STEAP4: variants seen among roughly 807,000 people sequenced by gnomAD.
STEAP4 encodes STEAP4 metalloreductase.
Under a neutral mutation model 43.6 loss-of-function variants are expected in STEAP4, and 36 were observed. The ratio of observed to expected loss-of-function variants is 0.83; its 90% CI spans 0.63 to 1.09. STEAP4 has a LOEUF of 1.09. STEAP4 is among the 50% of genes least tolerant of loss of function. The probability of loss-of-function intolerance (pLI) is 0.00; values close to 1 mark genes in which losing one functional copy is unlikely to be tolerated. For synonymous variants in STEAP4, 191 were observed against 196.7 expected (o/e 0.97, Z 0.24); for missense variants, 495 against 546.5 (o/e 0.91, Z 0.94).
rs1242294325 is a variant in STEAP4 at position 88,272,286 on chromosome 7, A to G, written c.*7112T>C. ...GGAATAACTCTTAGTTATATCTGACACTGTCTTCCAGACTTTCCCAGCAAA... is the reference window on the plus strand; with the variant it reads ...GGAATAACTCTTAGTTATATCTGACGCTGTCTTCCAGACTTTCCCAGCAAA... On this transcript the variant is annotated 3_prime_UTR_variant, in exon 5 of 5. Transcript: ENST00000380079. 1 of 152,208 alleles carries G rather than the reference A, an allele frequency of 6.6e-6. No homozygotes were observed. The highest frequency in any genetic ancestry group is 1.9e-4 in the East Asian group (1 of 5,206). 9.4% of individuals were successfully genotyped at this position (152,208 alleles called of 1,614,324 possible).
Position 88,282,626 on chromosome 7 carries a change from TAAG to T in STEAP4, c.984+12_984+14del. The T allele has an allele frequency of 6.2e-7, 1 of 1,602,222 alleles. No homozygotes were observed. Among genetic ancestry groups the T allele is most frequent in the African/African-American group, 1.3e-5 (1 of 74,514 alleles). ...GATTTCAGGAGCAGAAGAAAATATA[TAAG>T]AAGAGATTTACCTGGGTAACGGTTA... is the stretch of plus-strand genomic sequence containing the variant. On this transcript the variant is annotated intron_variant, in intron 3 of 4. Coordinates refer to ENST00000380079, the MANE Select transcript of STEAP4 (RefSeq NM_024636.4).
chr7:88,278,760 A>G lies in STEAP4; in HGVS notation c.*638T>C, dbSNP rs1374628767. 2 of 153,678 alleles carry G rather than the reference A, an allele frequency of 1.3e-5. No homozygotes were observed. Among genetic ancestry groups the G allele is most frequent in the Non-Finnish European group, 2.9e-5 (2 of 68,998 alleles). The allele number at this position is 153,678 out of a possible 1,614,324, so 9.5% of individuals were successfully genotyped here. On this transcript the variant is annotated 3_prime_UTR_variant, in exon 5 of 5. Transcript: ENST00000380079. ...CTATAGATACGTATGTATCCAAGACATGGATACTTTTAATCAATTGTAAAT... is the reference window on the plus strand; with the variant it reads ...CTATAGATACGTATGTATCCAAGACGTGGATACTTTTAATCAATTGTAAAT...
At position 88,271,176 on chromosome 7, in the gene STEAP4, T is replaced by C. The variant is rs1406096048; in HGVS notation, c.*8222A>G. 6.6e-6 allele frequency: 1 copy of C among 152,172 alleles called. No individual in the cohort carries two copies. Among genetic ancestry groups the C allele is most frequent in the South Asian group, 2.1e-4 (1 of 4,832 alleles). The allele number at this position is 152,172 out of a possible 1,614,324, so 9.4% of individuals were successfully genotyped here. A position where few individuals can be genotyped will look rare whatever the true frequency, so the allele number is the denominator to read the frequency against. On this transcript the variant is annotated 3_prime_UTR_variant, in exon 5 of 5. Transcript: ENST00000380079. ...CTATCTAGCTGTAATTTTGTATCTT[T>C]TAACAAATTTCTTCCTATCCCCCAT... is the stretch of plus-strand genomic sequence containing the variant.
chr7:88,287,796 GA>G (rs1251905693), intron 1 of STEAP4, among the ~76,000 whole-genome samples: 1 of 152,190 alleles, frequency 6.6e-6, no homozygotes. Context: ...GAGGCTGCAT[GA>G]CCCCTAAAAT....
intron 1 of STEAP4, among the ~76,000 whole-genome samples, chr7:88,300,268 G>A (rs1222450168): frequency 6.6e-6 from 1 of 152,220 alleles, no homozygotes; most frequent in Non-Finnish European, 1.5e-5. Flanking sequence ...GAGTGCAGCG[G>A]TGTGATCTCA....
rs1374127368 is a variant in STEAP4, at chr7:88,283,846, G to A, written c.424C>T (p.Leu142Phe). The part of the protein sequence containing the change: ...KAFNTISAWA[L>F]QSGALDASRQ... ...CTTGCATCCAGTGCTCCTGACTGGA[G>A]AGCCCAGGCTGAGATGGTGTTAAAT... Residue 142 changes from leucine to phenylalanine, a missense_variant, in exon 2 of 5, where the codon CTC (leucine) becomes TTC (phenylalanine). Coordinates refer to ENST00000380079, the MANE Select transcript of STEAP4 (RefSeq NM_024636.4). The A allele has an allele frequency of 1.9e-6, 3 of 1,613,888 alleles. No individual in the cohort carries two copies. Among genetic ancestry groups the A allele is most frequent in the East Asian group, 2.2e-5 (1 of 44,896 alleles).
chr7:88,287,448 T>C (rs1219931951), intron 1 of STEAP4, among the ~76,000 whole-genome samples: 1 of 152,068 alleles, frequency 6.6e-6, no homozygotes, highest in African/African-American at 2.4e-5. Flanking sequence ...GACAGGGGGA[T>C]TGCAATGGAG....
At chr7:88,280,375 C>T (rs957859930) in intron 4 of STEAP4, among the ~76,000 whole-genome samples, 1 of 152,200 alleles carries the variant, frequency 6.6e-6, no homozygotes, top group Non-Finnish European at 1.5e-5. Flanking sequence ...GTGTATCTAA[C>T]AAGTTTCCAG....
intron 1 of STEAP4, 84 bp from the exon 2 acceptor site, chr7:88,284,355 TG>T: frequency 1.0e-6 from 1 of 980,082 alleles, no homozygotes; most frequent in Non-Finnish European, 1.5e-6. Context: ...CAAGAAGTAA[TG>T]TAATTGACTT....
intron 1 of STEAP4, among the ~76,000 whole-genome samples, chr7:88,293,470 C>G (rs1453891031): frequency 6.6e-6 from 1 of 151,908 alleles, no homozygotes; most frequent in African/African-American, 2.4e-5. Flanking sequence ...TTGATGATGT[C>G]CAATTTATTT....
intron 2 of STEAP4, 27 bp from the exon 3 acceptor site, chr7:88,283,195 T>G (rs762104350): frequency 6.6e-7 from 1 of 1,513,170 alleles, no homozygotes; most frequent in South Asian, 1.4e-5. Flanking sequence ...TAATTAATTC[T>G]GTATTTACTC....
chr7:88,287,059 G>C (rs1173263730), intron 1 of STEAP4, among the ~76,000 whole-genome samples: 1 of 152,138 alleles, frequency 6.6e-6, no homozygotes, highest in Non-Finnish European at 1.5e-5. Flanking sequence ...AGCACCTCCA[G>C]AGAGGCCAAT....
In STEAP4 at chr7:88,275,788, T is replaced by A. The variant is rs1373206263; in HGVS notation, c.*3610A>T. The stretch of plus-strand genomic sequence containing the variant: ...CAGAGGTGAAATGCATAATATGCAT[T>A]TATCATTATCATGGCTCTTTTGTGA... On this transcript the variant is annotated 3_prime_UTR_variant, in exon 5 of 5. Coordinates refer to ENST00000380079, the MANE Select transcript of STEAP4 (RefSeq NM_024636.4). 6.6e-6 allele frequency: 1 copy of A among 152,142 alleles called. No homozygotes were observed. The highest frequency in any genetic ancestry group is 1.5e-5 in the Non-Finnish European group (1 of 68,032). 9.4% of individuals were successfully genotyped at this position (152,142 alleles called of 1,614,324 possible).
At chr7:88,290,764 T>G (rs1024489975) in intron 1 of STEAP4, among the ~76,000 whole-genome samples, 5 of 152,292 alleles carry the variant, frequency 3.3e-5, no homozygotes, top group Middle Eastern at 3.4e-3. Context: ...GCTTCTGTCT[T>G]AAGGTCCATA....
intron 1 of STEAP4, among the ~76,000 whole-genome samples, chr7:88,295,160 A>G (rs1289383665): frequency 6.6e-6 from 1 of 152,160 alleles, no homozygotes; most frequent in Non-Finnish European, 1.5e-5. Flanking sequence ...CCGTCATTAG[A>G]TAAGTAGGCA....
rs969228428 is a variant in STEAP4 at position 88,275,543 on chromosome 7, A to C, written c.*3855T>G. 1 of 151,934 alleles carries C rather than the reference A, an allele frequency of 6.6e-6. No individual in the cohort carries two copies. The highest frequency in any genetic ancestry group is 1.9e-4 in the East Asian group (1 of 5,172). The allele number at this position is 151,934 out of a possible 1,614,324, so 9.4% of individuals were successfully genotyped here. ...AAGGATTTTTCTAGAATGTAAACCT[A>C]ATTCATTATAGAAAATTGAAGTAGG... On this transcript the variant is annotated 3_prime_UTR_variant, in exon 5 of 5. Transcript: ENST00000380079.
intron 4 of STEAP4, 68 bp downstream of exon 4, chr7:88,280,847 T>C (rs966182291): frequency 7.0e-7 from 1 of 1,418,702 alleles, no homozygotes; most frequent in African/African-American, 1.5e-5. Flanking sequence ...AATTTGAATT[T>C]TTAAATATGA....
chr7:88,279,256 A>C lies in STEAP4; in HGVS notation c.*142T>G. 1.5e-6 allele frequency: 1 copy of C among 689,474 alleles called. No homozygotes were observed. Among genetic ancestry groups the C allele is most frequent in the East Asian group, 2.7e-5 (1 of 36,826 alleles). The allele number at this position is 689,474 out of a possible 1,614,324, so 42.7% of individuals were successfully genotyped here. A position where few individuals can be genotyped will look rare whatever the true frequency, so the allele number is the denominator to read the frequency against. On this transcript the variant is annotated 3_prime_UTR_variant, in exon 5 of 5. Transcript: ENST00000380079. ...GTCAGTCAATTTCTCAAAGACAAGC[A>C]ATGTTTCCCTCAGTCACGGTGTAAG...
At chr7:88,289,811 C>T (rs189929493) in intron 1 of STEAP4, among the ~76,000 whole-genome samples, 66 of 152,332 alleles carry the variant, frequency 4.3e-4, no homozygotes, top group African/African-American at 1.5e-3. Flanking sequence ...TATAAAAGTG[C>T]AGCTGTGCCT....
Sources: gnomAD v4.1 joint callset for allele counts (sites outside exome capture counted in the v4.1 genomes callset) on GRCh38, gnomAD v4.1.1 for gene constraint, MANE v1.5 for transcripts, NCBI Gene and HGNC (gene_info 2026-07-23, HGNC 2026-07-21) for gene names.